The following M1AP variants were observed in gnomAD, a reference collection of about 807,000 sequenced individuals.
M1AP encodes the protein meiosis 1 arrest protein.
M1AP carries 39 observed loss-of-function variants against 51.2 expected under a neutral mutation model. The ratio of observed to expected loss-of-function variants is 0.76; its 90% CI spans 0.59 to 1.00. M1AP has a LOEUF of 1.00. Ranked by LOEUF, M1AP falls within the 50% of genes least tolerant of loss-of-function variation. The probability of loss-of-function intolerance (pLI) is 0.00; values close to 1 mark genes in which losing one functional copy is unlikely to be tolerated. For missense variants in M1AP, 545 were observed against 641.2 expected (o/e 0.85, Z 1.62); for synonymous variants, 251 against 249.2 (o/e 1.01, Z -0.07).
intron 7 of M1AP, among the ~76,000 whole-genome samples, chr2:74,571,093 G>A (rs1422619779): frequency 6.6e-6 from 1 of 152,188 alleles, no homozygotes; most frequent in African/African-American, 2.4e-5. Flanking sequence ...ATGCTTCAAG[G>A]AGATTAAGCT....
rs375882606 is a variant in M1AP at position 74,591,974 on chromosome 2, A to T, written c.596-10127T>A. Among the ~76,000 whole-genome samples the T allele has an allele frequency of 2.6e-3, 386 of 150,746 alleles. 2 individuals carry two copies. The highest frequency in any genetic ancestry group is 6.8e-3 in the Middle Eastern group (2 of 294). The stretch of plus-strand genomic sequence containing the variant: ...CTAACTTTTTATTTTATTTTATTTT[A>T]TTTTTTTTCAGTAGAGAAGGGGTTT... On this transcript the variant is annotated intron_variant, in intron 4 of 10. Transcript: ENST00000421985.
At chr2:74,569,376 ACTT>A (rs1678582106) in intron 7 of M1AP, among the ~76,000 whole-genome samples, 1 of 130,970 alleles carries the variant, frequency 7.6e-6, no homozygotes, top group South Asian at 2.3e-4. Flanking sequence ...CCCTCACTCT[ACTT>A]TTTTTTTTTT....
chr2:74,621,943 A>G (rs1682071241), intron 2 of M1AP, among the ~76,000 whole-genome samples: 1 of 144,068 alleles, frequency 6.9e-6, no homozygotes, highest in Non-Finnish European at 1.5e-5. Flanking sequence ...CCCCACATCT[A>G]CTAAAAAAAA....
intron 4 of M1AP, among the ~76,000 whole-genome samples, chr2:74,589,858 G>T (rs565140203): frequency 3.9e-5 from 6 of 152,358 alleles, no homozygotes; most frequent in African/African-American, 1.4e-4. Flanking sequence ...CACAATGGAT[G>T]ATTTATATTA....
At chr2:74,590,514 A>G (rs1048718279) in intron 4 of M1AP, among the ~76,000 whole-genome samples, 3 of 152,156 alleles carry the variant, frequency 2.0e-5, no homozygotes, top group African/African-American at 7.2e-5. Flanking sequence ...AAATACTACA[A>G]TTTCAAATGT....
intron 1 of M1AP, 145 bp downstream of exon 1, chr2:74,648,120 G>C (rs2104876585): frequency 4.1e-6 from 4 of 981,510 alleles, no homozygotes; most frequent in Non-Finnish European, 4.8e-6. Context: ...CTCGGCGTCA[G>C]TCTTGCGCCG....
At chr2:74,614,286 T>C (rs931652292) in intron 3 of M1AP, among the ~76,000 whole-genome samples, 7 of 152,196 alleles carry the variant, frequency 4.6e-5, no homozygotes, top group Non-Finnish European at 8.8e-5. Flanking sequence ...ATATTGTTGA[T>C]TTTTTAGTTT....
rs1678085554 is a variant in M1AP, at chr2:74,562,396, C to T, written c.1102G>A (p.Gly368Arg). The change falls in exon 8 of 11, where the codon GGG becomes AGG. Residue 368 changes from glycine to arginine, a missense_variant. Coordinates refer to ENST00000421985, the MANE Select transcript of M1AP (RefSeq NM_001321739.2). ...CTGTGTCCTGGGCCCGGTGGTTCCCCCTTGGCTAACAGCAGCCATTCCCTT... is the reference window on the plus strand; with the variant it reads ...CTGTGTCCTGGGCCCGGTGGTTCCCTCTTGGCTAACAGCAGCCATTCCCTT... ...LKREWLLLAK[G>R]EPPGPGHSQR... The T allele has an allele frequency of 3.1e-6, 5 of 1,614,196 alleles. No homozygotes were observed. The East Asian group carries it at 1.1e-4, about 36-fold the overall frequency.
rs1269670024 is a variant in M1AP, at chr2:74,623,515, AAAAG to A, written c.241-8370_241-8367del. The stretch of plus-strand genomic sequence containing the variant: ...CAGACTCTGTCTATAAAAAAAAAAA[AAAAG>A]AGAGAGAGAGAGTTTGAGGCATTGA... On this transcript the variant is annotated intron_variant, in intron 2 of 10. Transcript: ENST00000421985. Among the ~76,000 whole-genome samples the A allele has an allele frequency of 2.6e-5, 4 of 152,054 alleles. No individual in the cohort carries two copies. The South Asian group carries it at 8.3e-4, about 32-fold the overall frequency.
intron 4 of M1AP, among the ~76,000 whole-genome samples, chr2:74,601,684 G>C (rs1270099300): frequency 1.3e-5 from 2 of 152,116 alleles, no homozygotes; most frequent in Admixed American, 1.3e-4. Flanking sequence ...TATACAGTTA[G>C]AAGAAAATAT....
Position 74,615,108 on chromosome 2 carries a change from T to G in M1AP, c.282A>C (p.Ser94=). The G allele has an allele frequency of 1.2e-6, 2 of 1,614,190 alleles. No individual in the cohort carries two copies. Among genetic ancestry groups the G allele is most frequent in the Non-Finnish European group, 1.7e-6 (2 of 1,179,996 alleles). ...GNFARLQTCI[S]ELRMLQREGC... is the part of the protein sequence containing the mutation. Reference sequence around the variant, plus strand: ...CTTCTCTCTGTAACATGCGGAGTTCTGAGATGCAGGTCTGCAACCTAGCAA... The same window carrying G: ...CTTCTCTCTGTAACATGCGGAGTTCGGAGATGCAGGTCTGCAACCTAGCAA... Residue 94 remains serine, a synonymous_variant, in exon 3 of 11, where the codon TCA becomes TCC. Coordinates refer to ENST00000421985, the MANE Select transcript of M1AP (RefSeq NM_001321739.2).
chr2:74,622,940 T>A (rs1476671882), intron 2 of M1AP, among the ~76,000 whole-genome samples: 14 of 136,754 alleles, frequency 1.0e-4, no homozygotes, highest in East Asian at 8.3e-4. Flanking sequence ...TTATACACTT[T>A]AAAAAAAAAT....
At position 74,560,228 on chromosome 2, in the gene M1AP, A is replaced by T; in HGVS notation, c.1345T>A (p.Tyr449Asn). The change falls in exon 9 of 11, where the codon TAC becomes AAC. Residue 449 changes from tyrosine to asparagine, a missense_variant. Physicochemically the swap from Tyr to Asn is moderately radical, Grantham distance 143. Transcript: ENST00000421985. Reference protein sequence around the residue: ...YNPLHVQSHLYSHLSSIYAKP... With the variant: ...YNPLHVQSHLNSHLSSIYAKP... ...GCATAGATGCTGCTCAGGTGTGAGTACAGGTGGCTTTGAACATGCAAGGGG... is the reference window on the plus strand; with the variant it reads ...GCATAGATGCTGCTCAGGTGTGAGTTCAGGTGGCTTTGAACATGCAAGGGG... 1 of 1,613,826 alleles carries T rather than the reference A, an allele frequency of 6.2e-7. No homozygotes were observed. The highest frequency in any genetic ancestry group is 8.5e-7 in the Non-Finnish European group (1 of 1,179,904).
intron 4 of M1AP, among the ~76,000 whole-genome samples, chr2:74,594,510 TAG>T (rs1680216442): frequency 6.6e-6 from 1 of 152,088 alleles, no homozygotes; most frequent in African/African-American, 2.4e-5. Flanking sequence ...CCTAGAAAGA[TAG>T]AGAGAAAGAA....
At chr2:74,579,842 C>G (rs1679299220) in intron 5 of M1AP, among the ~76,000 whole-genome samples, 1 of 152,112 alleles carries the variant, frequency 6.6e-6, no homozygotes, top group African/African-American at 2.4e-5. Context: ...GGGTCTCACT[C>G]TGTTGCCCAG....
intron 2 of M1AP, chr2:74,628,197 GT>G (rs746838930): frequency 1.4e-5 from 3 of 211,138 alleles, no homozygotes; most frequent in Non-Finnish European, 3.2e-5. Context: ...TTTATAAATA[GT>G]TTTTAAGTGG....
chr2:74,610,095 A>C (rs924844139), intron 3 of M1AP, among the ~76,000 whole-genome samples: 4 of 151,174 alleles, frequency 2.6e-5, no homozygotes, highest in Admixed American at 2.6e-4. Context: ...TTGACCTCCT[A>C]GGCTCAAGTG....
rs1486901114 is a variant in M1AP, at chr2:74,587,141, CCTTTTCTCTCATCCACAAAAT to C, written c.596-5315_596-5295del. Among the ~76,000 whole-genome samples the C allele has an allele frequency of 1.2e-4, 19 of 152,188 alleles. No homozygotes were observed. In the East Asian group the frequency reaches 3.7e-3, roughly 29 times the overall value. Reference sequence around the variant, plus strand: ...TAGGTCCAACAAATATAATTTTCTTCCTTTTCTCTCATCCACAAAATGAACTCTTTTAGGATAATAATATAT... The same window carrying C: ...TAGGTCCAACAAATATAATTTTCTTCGAACTCTTTTAGGATAATAATATAT... On this transcript the variant is annotated intron_variant, in intron 4 of 10. Coordinates refer to ENST00000421985, the MANE Select transcript of M1AP (RefSeq NM_001321739.2).
At chr2:74,588,920 T>C (rs558605109) in intron 4 of M1AP, among the ~76,000 whole-genome samples, 5 of 152,370 alleles carry the variant, frequency 3.3e-5, no homozygotes, top group South Asian at 2.1e-4. Context: ...TAGGCACTTA[T>C]TGGTGTCATC....
Sources: gnomAD v4.1 joint callset for allele counts (sites outside exome capture counted in the v4.1 genomes callset) on GRCh38, gnomAD v4.1.1 for gene constraint, MANE v1.5 for transcripts, NCBI Gene and HGNC (gene_info 2026-07-23, HGNC 2026-07-21) for gene names.